The following ERMP1 variants were observed in gnomAD, a reference collection of about 807,000 sequenced individuals.
The protein encoded by ERMP1 is endoplasmic reticulum metallopeptidase 1.
In ERMP1, 86 loss-of-function variants were observed where a neutral mutation model predicts 92.0. The ratio of observed to expected loss-of-function variants is 0.93; its 90% confidence interval spans 0.79 to 1.12. The LOEUF is 1.12. Ranked by LOEUF, ERMP1 falls within the 50% of genes most tolerant of loss-of-function variation. The pLI is 0.00. For missense variants in ERMP1, 1,342 were observed against 1,116.3 expected (o/e 1.20, Z -2.88); for synonymous variants, 530 against 412.8 (o/e 1.28, Z -3.44).
At chr9:5,858,851 T>C (rs144956938) in intron 6 of ERMP1, among the ~76,000 whole-genome samples, 1 of 152,330 alleles carries the variant, frequency 6.6e-6, no homozygotes, top group East Asian at 1.9e-4. Flanking sequence ...GATGGGAACA[T>C]AGCATAACCT....
In ERMP1 at chr9:5,832,641, G is replaced by A. The variant is rs544401202; in HGVS notation, c.338+49C>T. ...GGTGCGGTGCCCCGGAGCCTGCGCA[G>A]GAGCCGCAAACGGACGCGCGGGCCG... On this transcript the variant is annotated intron_variant, in intron 1 of 14. Transcript: ENST00000339450. 3.4e-5 allele frequency: 45 copies of A among 1,330,152 alleles called. 1 individual carries two copies. In the Admixed American group the frequency reaches 6.3e-4, roughly 19 times the overall value. The allele number at this position is 1,330,152 out of a possible 1,614,324, so 82.4% of individuals were successfully genotyped here.
intron 1 of ERMP1, 46 bp from the exon 2 acceptor site, chr9:5,831,074 C>A (rs745518394): frequency 1.3e-6 from 2 of 1,520,808 alleles, no homozygotes; most frequent in South Asian, 1.2e-5. Flanking sequence ...TTAAAATTGA[C>A]ACTTAGCGTG....
At chr9:5,854,191 A>G (rs1432574097) in intron 6 of ERMP1, among the ~76,000 whole-genome samples, 2 of 152,052 alleles carry the variant, frequency 1.3e-5, no homozygotes, top group Non-Finnish European at 2.9e-5. Flanking sequence ...AGAAGGGGCC[A>G]TGCTCATATC....
chr9:5,816,927 C>G (rs13293654), intron 4 of ERMP1, among the ~76,000 whole-genome samples: 2,827 of 144,818 alleles, frequency 0.02, 32 homozygotes, highest in Non-Finnish European at 0.025. Flanking sequence ...GTGACAGAGT[C>G]TCGCTCTGTC....
chr9:5,821,144 C>T (rs952395961), intron 4 of ERMP1, among the ~76,000 whole-genome samples: 4 of 152,202 alleles, frequency 2.6e-5, no homozygotes, highest in African/African-American at 9.7e-5. Context: ...TATGTTTATA[C>T]TAACCAGTCA....
chr9:5,808,746 T>C (rs1215087362), intron 8 of ERMP1, among the ~76,000 whole-genome samples: 1 of 152,220 alleles, frequency 6.6e-6, no homozygotes, highest in Non-Finnish European at 1.5e-5. Flanking sequence ...TTTTGTTTGT[T>C]TGTTTGTTTG....
intron 5 of ERMP1, among the ~76,000 whole-genome samples, chr9:5,864,529 G>T (rs529089194): frequency 1.3e-5 from 2 of 152,352 alleles, no homozygotes; most frequent in Admixed American, 1.3e-4. Flanking sequence ...TGGGGAGGGG[G>T]GCGAGCGGGT....
In ERMP1 at chr9:5,786,579, A is replaced by G. The variant is rs1245771483; in HGVS notation, c.*565T>C. The G allele has an allele frequency of 6.5e-6, 1 of 154,826 alleles. No homozygotes were observed. The highest frequency in any genetic ancestry group is 1.4e-5 in the Non-Finnish European group (1 of 69,762). 9.6% of individuals were successfully genotyped at this position (154,826 alleles called of 1,614,324 possible). On this transcript the variant is annotated 3_prime_UTR_variant, in exon 15 of 15. Transcript: ENST00000339450. ...GCCTCAGCACAGAGAGACAAAGCAC[A>G]TTTGAGAGGCTGCCTGAAGAAACAG...
intron 6 of ERMP1, among the ~76,000 whole-genome samples, chr9:5,851,533 G>A (rs545863905): frequency 1.4e-4 from 21 of 152,294 alleles, no homozygotes; most frequent in East Asian, 9.6e-4. Context: ...GGGAGGGTTC[G>A]TGATCATATC....
chr9:5,833,019 C>G lies in ERMP1; in HGVS notation c.9G>C (p.Trp3Cys), dbSNP rs750298178. 1.3e-6 allele frequency: 2 copies of G among 1,538,338 alleles called. No individual in the cohort carries two copies. Among genetic ancestry groups the G allele is most frequent in the African/African-American group, 1.4e-5 (1 of 70,286 alleles). Residue 3 changes from tryptophan (W) to cysteine (C), a missense_variant, in exon 1 of 15, where the codon TGG (tryptophan) becomes TGC (cysteine). Transcript: ENST00000339450. Reference protein sequence around the residue: MEWGSESAAVRRH... With the variant: MECGSESAAVRRH... ...GCCTCACAGCAGCCGACTCAGAACC[C>G]CACTCCATGGCCACGAGCCTCAGCT... is the stretch of plus-strand genomic sequence containing the variant.
chr9:5,793,151 TA>T (rs1828274563), intron 13 of ERMP1, among the ~76,000 whole-genome samples: 1 of 152,060 alleles, frequency 6.6e-6, no homozygotes, highest in Non-Finnish European at 1.5e-5. Context: ...AAGGAGAAAT[TA>T]GGATTATTTT....
intron 11 of ERMP1, among the ~76,000 whole-genome samples, chr9:5,799,653 T>C (rs540109775): frequency 6.6e-6 from 1 of 152,358 alleles, no homozygotes; most frequent in South Asian, 2.1e-4. Flanking sequence ...TGTTTGGGTA[T>C]ACTCTGTTGC....
At chr9:5,800,182 A>G (rs1346755408) in intron 11 of ERMP1, among the ~76,000 whole-genome samples, 1 of 152,354 alleles carries the variant, frequency 6.6e-6, no homozygotes, top group African/African-American at 2.4e-5. Context: ...AAAATATACA[A>G]TATGTTAGTA....
At chr9:5,801,429 C>A in intron 10 of ERMP1, 101 bp from the exon 11 acceptor site, 1 of 1,160,854 alleles carries the variant, frequency 8.6e-7, no homozygotes, top group South Asian at 1.6e-5. Flanking sequence ...CCTAACAGCC[C>A]CTGAAGAAAA....
At chr9:5,832,369 G>T in intron 1 of ERMP1, 1 of 326,350 alleles carries the variant, frequency 3.1e-6, no homozygotes, top group Non-Finnish European at 5.6e-6. Flanking sequence ...AGGTAAAAAG[G>T]GGAAGCTGTT....
chr9:5,848,497 G>C (rs1586838606), intron 6 of ERMP1, among the ~76,000 whole-genome samples: 1 of 152,182 alleles, frequency 6.6e-6, no homozygotes, highest in South Asian at 2.1e-4. Context: ...ATTTCTTAGA[G>C]CAGCCATAGG....
intron 13 of ERMP1, among the ~76,000 whole-genome samples, chr9:5,793,459 C>G (rs1481890287): frequency 2.0e-5 from 3 of 152,054 alleles, no homozygotes; most frequent in African/African-American, 7.2e-5. Flanking sequence ...TATTAATAAT[C>G]ACTTTGAATG....
chr9:5,843,740 G>C (rs1253162779), intron 6 of ERMP1, among the ~76,000 whole-genome samples: 1 of 152,088 alleles, frequency 6.6e-6, no homozygotes, highest in Non-Finnish European at 1.5e-5. Context: ...GAAGATCTCT[G>C]CTACAACAAA....
chr9:5,815,338 A>C (rs1411113097), intron 4 of ERMP1, among the ~76,000 whole-genome samples: 1 of 152,180 alleles, frequency 6.6e-6, no homozygotes, highest in Admixed American at 6.5e-5. Context: ...TCTGTGCCAG[A>C]AAGTAAGAAA....
Sources: allele counts gnomAD v4.1 joint callset (sites outside exome capture counted in the v4.1 genomes callset), GRCh38; gene constraint gnomAD v4.1.1; transcripts MANE v1.5; gene names NCBI Gene and HGNC (gene_info 2026-07-23, HGNC 2026-07-21).